The following CSMD1 variants were observed in gnomAD, a reference collection of about 807,000 sequenced individuals.
The protein encoded by CSMD1 is CUB and sushi domain-containing protein 1.
CSMD1 carries 213 observed loss-of-function variants against 417.5 expected under a neutral mutation model. That is an observed-to-expected ratio of 0.51 (90% confidence interval 0.46 to 0.57). The LOEUF (loss-of-function observed/expected upper bound fraction) is 0.57, where lower values mean the gene tolerates loss of function less well. Ranked by LOEUF, CSMD1 falls within the 20% of genes least tolerant of loss-of-function variation. The probability of loss-of-function intolerance (pLI) is 0.00; values close to 1 mark genes in which losing one functional copy is unlikely to be tolerated. For missense variants in CSMD1, 6,923 were observed against 4,529.7 expected (o/e 1.53, Z -15.17); for synonymous variants, 2,862 against 1,736.8 (o/e 1.65, Z -16.11).
chr8:3,808,995 C>G (rs543421088), intron 5 of CSMD1, among the ~76,000 whole-genome samples: 11 of 152,246 alleles, frequency 7.2e-5, no homozygotes, highest in African/African-American at 2.6e-4. Context: ...TTTGAGTCAA[C>G]ATGACATGGA....
At chr8:3,289,417 G>T (rs963499373) in intron 25 of CSMD1, among the ~76,000 whole-genome samples, 5 of 147,326 alleles carry the variant, frequency 3.4e-5, no homozygotes, top group Admixed American at 2.7e-4. Context: ...CTTCACAATG[G>T]TTGAACTAGT....
intron 3 of CSMD1, among the ~76,000 whole-genome samples, chr8:4,082,804 C>G (rs1476130014): frequency 2.1e-5 from 3 of 140,808 alleles, no homozygotes; most frequent in Non-Finnish European, 4.5e-5. Context: ...GTGATGTTCC[C>G]TTTCCTGTGT....
intron 18 of CSMD1, among the ~76,000 whole-genome samples, chr8:3,370,511 C>T (rs369124618): frequency 2.0e-5 from 3 of 152,172 alleles, no homozygotes; most frequent in Admixed American, 6.5e-5. Flanking sequence ...AGGTTATGTG[C>T]CAGTGTGACT....
intron 5 of CSMD1, among the ~76,000 whole-genome samples, chr8:3,882,803 T>C (rs1806292665): frequency 1.3e-5 from 2 of 152,322 alleles, no homozygotes; most frequent in Non-Finnish European, 2.9e-5. Context: ...CAGTGTCATT[T>C]ACAGAATGTG....
At chr8:3,798,051 C>A (rs960088470) in intron 5 of CSMD1, among the ~76,000 whole-genome samples, 1 of 151,752 alleles carries the variant, frequency 6.6e-6, no homozygotes, top group African/African-American at 2.4e-5. Context: ...ATTTTTATTT[C>A]TTCTTAATAA....
chr8:3,787,632 C>T (rs59782890), intron 5 of CSMD1, among the ~76,000 whole-genome samples: 7,196 of 151,876 alleles, frequency 0.047, 351 homozygotes, highest in African/African-American at 0.11. Context: ...ATTTTTATTC[C>T]AAGGAGAAAT....
chr8:3,262,031 T>C (rs539879963), intron 26 of CSMD1, among the ~76,000 whole-genome samples: 20 of 151,808 alleles, frequency 1.3e-4, no homozygotes, highest in Non-Finnish European at 1.5e-5. Context: ...GTCTCTGTTT[T>C]ATTTGTTGCC....
intron 1 of CSMD1, among the ~76,000 whole-genome samples, chr8:4,889,111 G>T (rs1271778621): frequency 6.6e-6 from 1 of 152,112 alleles, no homozygotes; most frequent in Non-Finnish European, 1.5e-5. Flanking sequence ...TATGTGCAAT[G>T]TCCGAAAGTA....
Position 3,789,994 on chromosome 8 carries a change from G to C in CSMD1, c.819-35952C>G, listed in dbSNP as rs1413425744. ...GATCCGCCCACCTCGGCCTCCCAAA[G>C]TGCTGGGATTACAGGCGTAAGCCAC... is the stretch of plus-strand genomic sequence containing the variant. On this transcript the variant is annotated intron_variant, in intron 5 of 69. Transcript: ENST00000635120. 3.3e-5 allele frequency among the ~76,000 whole-genome samples: 5 copies of C among 152,280 alleles called. No homozygotes were observed. The East Asian group carries it at 7.7e-4, about 24-fold the overall frequency.
intron 33 of CSMD1, among the ~76,000 whole-genome samples, chr8:3,196,032 G>C (rs1216700851): frequency 6.6e-6 from 1 of 152,078 alleles, no homozygotes; most frequent in African/African-American, 2.4e-5. Context: ...GTCGGCACAA[G>C]GTATAGATCA....
chr8:4,192,735 T>A (rs1799102313), intron 3 of CSMD1, among the ~76,000 whole-genome samples: 1 of 152,246 alleles, frequency 6.6e-6, no homozygotes, highest in Non-Finnish European at 1.5e-5. Flanking sequence ...TCTATGTATT[T>A]GCACTTTAGT....
chr8:3,609,722 T>A (rs1273996511), intron 8 of CSMD1, among the ~76,000 whole-genome samples: 1 of 116,092 alleles, frequency 8.6e-6, no homozygotes, highest in African/African-American at 3.1e-5. Context: ...AGTCATTAGT[T>A]TTGATTATAA....
chr8:3,862,491 T>C (rs536476109), intron 5 of CSMD1, among the ~76,000 whole-genome samples: 1 of 152,320 alleles, frequency 6.6e-6, no homozygotes, highest in East Asian at 1.9e-4. Flanking sequence ...AACTCAAAGT[T>C]CGCCTTTCCC....
At chr8:4,669,480 C>T (rs764918052) in intron 1 of CSMD1, among the ~76,000 whole-genome samples, 5 of 152,148 alleles carry the variant, frequency 3.3e-5, no homozygotes, top group Non-Finnish European at 7.3e-5. Flanking sequence ...TGTGGACAAC[C>T]GTATCTAGTC....
chr8:3,278,649 T>C (rs1462096303), intron 26 of CSMD1: 4 of 92,950 alleles, frequency 4.3e-5, no homozygotes, highest in African/African-American at 1.6e-4. Flanking sequence ...TAGGTAAAGT[T>C]CCTCGTTTTT....
chr8:4,781,109 G>T (rs897342598), intron 1 of CSMD1, among the ~76,000 whole-genome samples: 2 of 152,154 alleles, frequency 1.3e-5, no homozygotes, highest in South Asian at 4.1e-4. Context: ...TTCTGGTGGT[G>T]TCTTTTCTTT....
At chr8:3,709,176 G>A (rs1388037706) in intron 6 of CSMD1, among the ~76,000 whole-genome samples, 4 of 137,942 alleles carry the variant, frequency 2.9e-5, no homozygotes, top group Non-Finnish European at 6.2e-5. Context: ...GGTCACTTAC[G>A]GAAAAAAAAT....
rs560683910 is a variant in CSMD1, at chr8:4,940,360, C to A, written c.85+53972G>T. Among the ~76,000 whole-genome samples, 59 of 152,028 alleles carry A rather than the reference C, an allele frequency of 3.9e-4. 1 individual carries two copies. The highest frequency in any genetic ancestry group is 3.5e-4 in the Non-Finnish European group (24 of 68,024). On this transcript the variant is annotated intron_variant, in intron 1 of 69. Transcript: ENST00000635120. ...TGTAATTTCACATTTTTAAAATATG[C>A]AAATTGAGTGGAAATATACAGTTAT... is the stretch of plus-strand genomic sequence containing the variant.
At chr8:3,584,351 G>A (rs531945621) in intron 9 of CSMD1, among the ~76,000 whole-genome samples, 4 of 152,128 alleles carry the variant, frequency 2.6e-5, no homozygotes, top group East Asian at 1.9e-4. Context: ...GAGACCCTGC[G>A]AAAAAAGTGT....
Sources: allele counts gnomAD v4.1 joint callset (sites outside exome capture counted in the v4.1 genomes callset), GRCh38; gene constraint gnomAD v4.1.1; transcripts MANE v1.5; gene names NCBI Gene and HGNC (gene_info 2026-07-23, HGNC 2026-07-21).